Variants in NWD2 observed in about 807,000 individuals in gnomAD.
NWD2 encodes NACHT and WD repeat domain-containing protein 2.
In NWD2, 37 loss-of-function variants were observed where a neutral mutation model predicts 132.7. The ratio of observed to expected loss-of-function variants is 0.28; its 90% confidence interval spans 0.21 to 0.37. NWD2 has a LOEUF of 0.37. Ranked by LOEUF, NWD2 falls within the 10% of genes least tolerant of loss-of-function variation. NWD2 has a pLI of 1.00. For synonymous variants in NWD2, 705 were observed against 803.0 expected, an observed-to-expected ratio of 0.88 and a Z score of 2.06; for missense variants, 1,592 against 2,122.4, an observed-to-expected ratio of 0.75 and a Z score of 4.91.
intron 1 of NWD2, among the ~76,000 whole-genome samples, chr4:37,278,922 A>G (rs915347666): frequency 6.6e-6 from 1 of 152,214 alleles, no homozygotes. Context: ...TGTAGAAGAC[A>G]GTGCAAAACT....
chr4:37,253,010 C>A (rs534580613), intron 1 of NWD2, among the ~76,000 whole-genome samples: 6 of 150,462 alleles, frequency 4.0e-5, no homozygotes, highest in East Asian at 2.0e-4. Flanking sequence ...AACCCCCCCC[C>A]CTTATGTTTT....
At chr4:37,328,507 T>C (rs990132891) in intron 2 of NWD2, among the ~76,000 whole-genome samples, 8 of 152,112 alleles carry the variant, frequency 5.3e-5, no homozygotes, top group African/African-American at 1.7e-4. Flanking sequence ...TGGTTTTCTG[T>C]TCCTGTGTTA....
At position 37,296,637 on chromosome 4, in the gene NWD2, C is replaced by T. The variant is rs557756746; in HGVS notation, c.152-29299C>T. Among the ~76,000 whole-genome samples the T allele has an allele frequency of 6.6e-5, 10 of 152,148 alleles. 1 individual carries two copies. Among genetic ancestry groups the T allele is most frequent in the African/African-American group, 2.4e-4 (10 of 41,504 alleles). ...TTCCCACTTATAGGTGGGAACTAAG[C>T]TATGAGTACATAGACATACAGAGTG... is the stretch of plus-strand genomic sequence containing the variant. On this transcript the variant is annotated intron_variant, in intron 1 of 6. Coordinates refer to ENST00000309447, the MANE Select transcript of NWD2 (RefSeq NM_001144990.2).
At chr4:37,319,422 G>A (rs912914404) in intron 1 of NWD2, among the ~76,000 whole-genome samples, 2 of 152,168 alleles carry the variant, frequency 1.3e-5, no homozygotes, top group African/African-American at 4.8e-5. Flanking sequence ...CATTCTGCAG[G>A]TTGTCTCTTT....
intron 3 of NWD2, among the ~76,000 whole-genome samples, chr4:37,427,346 G>A (rs1712034914): frequency 6.6e-6 from 1 of 152,086 alleles, no homozygotes; most frequent in Non-Finnish European, 1.5e-5. Context: ...TCACCAGGTT[G>A]GTTACCCTAA....
rs184052394 is a variant in NWD2 at position 37,336,900 on chromosome 4, G to A, written c.240+10876G>A. On this transcript the variant is annotated intron_variant, in intron 2 of 6. Transcript: ENST00000309447. ...GTTGCAGTGGGCCGAGATCAAGATC[G>A]CACCACTGCGCTCCAGCCTGGGCAA... Among the ~76,000 whole-genome samples the A allele has an allele frequency of 2.5e-3, 349 of 137,406 alleles. 1 individual carries two copies. The highest frequency in any genetic ancestry group is 4.0e-3 in the Non-Finnish European group (262 of 65,846). 90.1% of individuals were successfully genotyped at this position (137,406 alleles called of 152,430 possible).
chr4:37,416,850 T>C (rs1711627259), intron 3 of NWD2, among the ~76,000 whole-genome samples: 1 of 148,496 alleles, frequency 6.7e-6, no homozygotes, highest in African/African-American at 2.6e-5. Context: ...AACTCAGAAA[T>C]GGAAAACCAA....
intron 1 of NWD2, among the ~76,000 whole-genome samples, chr4:37,254,329 G>C (rs1717466873): frequency 6.6e-6 from 1 of 152,156 alleles, no homozygotes; most frequent in Non-Finnish European, 1.5e-5. Flanking sequence ...AACCACCTTT[G>C]AGCTCTAAGC....
At chr4:37,268,086 G>A (rs1425953251) in intron 1 of NWD2, among the ~76,000 whole-genome samples, 1 of 151,860 alleles carries the variant, frequency 6.6e-6, no homozygotes, top group Non-Finnish European at 1.5e-5. Flanking sequence ...TCTCAGCCCA[G>A]AAACATCAAA....
At position 37,246,600 on chromosome 4, in the gene NWD2, A is replaced by C. The variant is rs1340787172; in HGVS notation, c.151+1382A>C. Among the ~76,000 whole-genome samples, 7 of 152,226 alleles carry C rather than the reference A, an allele frequency of 4.6e-5. 1 individual carries two copies. The highest frequency in any genetic ancestry group is 4.6e-4 in the Admixed American group (7 of 15,282). On this transcript the variant is annotated intron_variant, in intron 1 of 6. Transcript: ENST00000309447. ...CTATATCTGGATTTAAAGAAAAAAAATGGAGATATTCAGCCTATTTAAGGC... is the reference window on the plus strand; with the variant it reads ...CTATATCTGGATTTAAAGAAAAAAACTGGAGATATTCAGCCTATTTAAGGC...
intron 3 of NWD2, among the ~76,000 whole-genome samples, chr4:37,399,100 G>A (rs1720857134): frequency 6.6e-6 from 1 of 152,148 alleles, no homozygotes; most frequent in Admixed American, 6.5e-5. Context: ...TTTTTAAATG[G>A]CGGCTTGTGT....
chr4:37,445,254 G>T lies in NWD2; in HGVS notation c.3266G>T (p.Gly1089Val). Residue 1089 changes from glycine (G) to valine (V), a missense_variant, in exon 7 of 7, where the codon GGA (glycine) becomes GTA (valine). This residue lies in a region of NWD2 where 1,071 missense variants were observed against 1,398.0 expected (regional missense o/e 0.77). Transcript: ENST00000309447. The surrounding 1 kb of genome is among the most constrained non-coding windows in gnomAD (Gnocchi z 4.7). ...KDVTVIDLLYGWPLYQFHCWY... is the reference protein window; with the variant it reads ...KDVTVIDLLYVWPLYQFHCWY... ...GTCACTGTCATCGATCTGCTGTACG[G>T]ATGGCCGCTTTACCAGTTCCACTGC... is the stretch of plus-strand genomic sequence containing the variant. The T allele has an allele frequency of 6.4e-7, 1 of 1,551,880 alleles. No individual in the cohort carries two copies. The highest frequency in any genetic ancestry group is 8.7e-7 in the Non-Finnish European group (1 of 1,147,040).
At chr4:37,295,000 A>C (rs1435782384) in intron 1 of NWD2, among the ~76,000 whole-genome samples, 1 of 152,198 alleles carries the variant, frequency 6.6e-6, no homozygotes, top group Non-Finnish European at 1.5e-5. Flanking sequence ...TACTGAATCC[A>C]CATGTTACAG....
rs79101372 is a variant in NWD2 at position 37,331,942 on chromosome 4, C to T, written c.240+5918C>T. Among the ~76,000 whole-genome samples the T allele has an allele frequency of 8.5e-3, 1,287 of 152,248 alleles. 59 individuals are homozygous for T. The East Asian group carries it at 0.13, about 15-fold the overall frequency. On this transcript the variant is annotated intron_variant, in intron 2 of 6. Coordinates refer to ENST00000309447, the MANE Select transcript of NWD2 (RefSeq NM_001144990.2). ...TTACTGCCCCTGTCACAGCAGAAAGCAACATTGGGCAGAAATGAGCCAGTG... is the reference window on the plus strand; with the variant it reads ...TTACTGCCCCTGTCACAGCAGAAAGTAACATTGGGCAGAAATGAGCCAGTG...
intron 1 of NWD2, 56 bp from the exon 2 acceptor site, chr4:37,325,880 C>G (rs1719163456): frequency 9.6e-7 from 1 of 1,040,860 alleles, no homozygotes; most frequent in Admixed American, 2.7e-5. Flanking sequence ...CATTTTTTTG[C>G]CAGAAACATA....
At chr4:37,425,740 C>T (rs1695718632) in intron 3 of NWD2, among the ~76,000 whole-genome samples, 1 of 152,126 alleles carries the variant, frequency 6.6e-6, no homozygotes, top group African/African-American at 2.4e-5. Context: ...AAAAAGCAAG[C>T]TTTTTGAGAA....
chr4:37,260,578 T>C (rs997106032), intron 1 of NWD2, among the ~76,000 whole-genome samples: 1 of 152,218 alleles, frequency 6.6e-6, no homozygotes, highest in Non-Finnish European at 1.5e-5. Context: ...AACTACAGTG[T>C]ATTCATACAT....
chr4:37,345,472 T>C (rs1719615548), intron 2 of NWD2, among the ~76,000 whole-genome samples: 1 of 152,206 alleles, frequency 6.6e-6, no homozygotes, highest in African/African-American at 2.4e-5. Flanking sequence ...ATATTAAGCA[T>C]CTTTTTATGT....
At chr4:37,366,778 T>G (rs1391448225) in intron 3 of NWD2, among the ~76,000 whole-genome samples, 1 of 152,114 alleles carries the variant, frequency 6.6e-6, no homozygotes, top group Non-Finnish European at 1.5e-5. Context: ...AAGGTTCAAT[T>G]CAACAGAAAA....
Sources: gnomAD v4.1 joint callset for allele counts (sites outside exome capture counted in the v4.1 genomes callset) on GRCh38, gnomAD v4.1.1 for gene constraint, gnomAD v4.1.1 regional missense constraint, Gnocchi (gnomAD v3.1) non-coding constraint, MANE v1.5 for transcripts, NCBI Gene and HGNC (gene_info 2026-07-23, HGNC 2026-07-21) for gene names.